Variants in MYBPC1 observed in about 807,000 individuals in gnomAD.
MYBPC1 encodes the protein myosin-binding protein C, slow-type.
MYBPC1 carries 52 observed loss-of-function variants against 147.1 expected under a neutral mutation model. That is an observed-to-expected ratio of 0.35 (90% CI 0.28 to 0.45). The LOEUF (loss-of-function observed/expected upper bound fraction) is 0.45, where lower values mean the gene tolerates loss of function less well. MYBPC1 is among the 20% of genes least tolerant of loss of function. The pLI, the probability that MYBPC1 is intolerant of heterozygous loss-of-function variation, is 1.00. For synonymous variants in MYBPC1, 477 were observed against 475.9 expected, an observed-to-expected ratio of 1.00 and a Z score of -0.03; for missense variants, 1,228 against 1,440.3, an observed-to-expected ratio of 0.85 and a Z score of 2.39.
intron 11 of MYBPC1, 119 bp from the exon 12 acceptor site, chr12:101,644,545 T>A: frequency 1.0e-6 from 1 of 958,540 alleles, no homozygotes. Flanking sequence ...GGTTTCTGAT[T>A]TTTTTCTTGA....
In MYBPC1 at chr12:101,678,090, CT is replaced by C; in HGVS notation, c.3110-10del. 6.2e-7 allele frequency: 1 copy of C among 1,610,356 alleles called. No homozygotes were observed. The highest frequency in any genetic ancestry group is 8.5e-7 in the Non-Finnish European group (1 of 1,176,610). On this transcript the variant is annotated splice_polypyrimidine_tract_variant and intron_variant, in intron 27 of 31. Coordinates refer to ENST00000361466, the MANE Select transcript of MYBPC1 (RefSeq NM_002465.4). ...ACATAATTTTAACATATTTGTAATG[CT>C]TGTTTTTAAGGTAAAATCTACAAAA...
intron 10 of MYBPC1, among the ~76,000 whole-genome samples, chr12:101,640,550 C>T (rs1014767762): frequency 1.3e-5 from 2 of 152,118 alleles, no homozygotes; most frequent in Non-Finnish European, 2.9e-5. Flanking sequence ...TTAAGAGGCA[C>T]ATTTTGCTAA....
At chr12:101,627,571 AAATAAGACACACACTTTTATAGATGC>A (rs1370058352) in intron 4 of MYBPC1, among the ~76,000 whole-genome samples, 172 bp from the exon 5 acceptor site, 3 of 152,078 alleles carry the variant, frequency 2.0e-5, no homozygotes, top group African/African-American at 7.2e-5. Flanking sequence ...TATCATTTTA[AAATAAGACACACACTTTTATAGATGC>A]TTTCATACTT....
chr12:101,643,249 TA>T lies in MYBPC1; in HGVS notation c.832+672del, dbSNP rs569203693. On this transcript the variant is annotated intron_variant, in intron 11 of 31. Transcript: ENST00000361466. ...GAATTTAAAGATTTTTACCACCCTT[TA>T]AAAAAAATCTGACCTTTATTTCTGA... Among the ~76,000 whole-genome samples the T allele has an allele frequency of 4.6e-5, 7 of 152,142 alleles. No individual in the cohort carries two copies. The South Asian group carries it at 1.2e-3, about 27-fold the overall frequency.
chr12:101,620,052 G>C (rs1006179353), intron 3 of MYBPC1, among the ~76,000 whole-genome samples: 1 of 152,172 alleles, frequency 6.6e-6, no homozygotes, highest in African/African-American at 2.4e-5. Flanking sequence ...TTGTTTGCTT[G>C]CTTGCTTGCT....
In MYBPC1 at chr12:101,653,114, G is replaced by T; in HGVS notation, c.1634-1G>T. On this transcript the variant is annotated splice_acceptor_variant, in intron 17 of 31. Coordinates refer to ENST00000361466, the MANE Select transcript of MYBPC1 (RefSeq NM_002465.4). LOFTEE classifies it high-confidence loss of function. ...AACAAAGACTATGCTTAATATTCTA[G>T]ATCCTCCTAAGATCATCCTGGATGG... 1 of 1,613,590 alleles carries T rather than the reference G, an allele frequency of 6.2e-7. No individual in the cohort carries two copies. Among genetic ancestry groups the T allele is most frequent in the Non-Finnish European group, 8.5e-7 (1 of 1,179,780 alleles).
intron 1 of MYBPC1, among the ~76,000 whole-genome samples, chr12:101,609,671 G>A (rs1054045352): frequency 6.6e-6 from 1 of 152,268 alleles, no homozygotes; most frequent in African/African-American, 2.4e-5. Flanking sequence ...AAGTTCTAGA[G>A]GATTTCTGGA....
intron 22 of MYBPC1, among the ~76,000 whole-genome samples, chr12:101,665,797 C>A (rs1593996964): frequency 6.6e-6 from 1 of 152,320 alleles, no homozygotes; most frequent in Admixed American, 6.5e-5. Flanking sequence ...TTCACTTTCT[C>A]ATCCACTGTC....
At chr12:101,659,585 C>A in intron 18 of MYBPC1, 87 bp from the exon 19 acceptor site, 2 of 1,380,294 alleles carry the variant, frequency 1.4e-6, no homozygotes, top group Non-Finnish European at 2.1e-6. Context: ...ACTCTATAGT[C>A]TGCTGAATTG....
chr12:101,646,961 A>G, intron 13 of MYBPC1, 74 bp downstream of exon 13: 1 of 1,576,428 alleles, frequency 6.3e-7, no homozygotes, highest in South Asian at 1.1e-5. Flanking sequence ...ATCAAAGTGA[A>G]AGTAACTGAG....
intron 30 of MYBPC1, among the ~76,000 whole-genome samples, 169 bp downstream of exon 30, chr12:101,682,831 C>G (rs1345244356): frequency 1.3e-5 from 2 of 152,144 alleles, no homozygotes; most frequent in Non-Finnish European, 2.9e-5. Flanking sequence ...CCAAATTATT[C>G]AAGGATATTA....
intron 3 of MYBPC1, among the ~76,000 whole-genome samples, chr12:101,621,725 C>A (rs1320767147): frequency 6.6e-6 from 1 of 152,134 alleles, no homozygotes; most frequent in East Asian, 1.9e-4. Flanking sequence ...AATTTAAAAT[C>A]AACCATAGGT....
intron 11 of MYBPC1, among the ~76,000 whole-genome samples, chr12:101,642,986 G>A (rs772924156): frequency 3.3e-5 from 5 of 152,128 alleles, no homozygotes; most frequent in Non-Finnish European, 5.9e-5. Flanking sequence ...TTAGCAAAAT[G>A]TTTTGTAAAA....
At position 101,651,260 on chromosome 12, in the gene MYBPC1, A is replaced by G. The variant is rs1894381760; in HGVS notation, c.1393A>G (p.Thr465Ala). ...LKPLKILTPL[T>A]DQTVNLGKEI... ...ACCTCTGAAGATTTTGACACCTCTG[A>G]CTGATCAGACTGTAAATCTTGGAAA... The change falls in exon 16 of 32, where the codon ACT becomes GCT. Residue 465 changes from threonine to alanine, a missense_variant. Physicochemically the swap from Thr to Ala is moderately conservative, Grantham distance 58. This residue lies in a region of MYBPC1 where 1,077 missense variants were observed against 1,314.2 expected (regional missense o/e 0.82). Coordinates refer to ENST00000361466, the MANE Select transcript of MYBPC1 (RefSeq NM_002465.4). 1 of 1,613,980 alleles carries G rather than the reference A, an allele frequency of 6.2e-7. No homozygotes were observed. The highest frequency in any genetic ancestry group is 8.5e-7 in the Non-Finnish European group (1 of 1,179,992).
chr12:101,684,027 G>A (rs887132103), intron 30 of MYBPC1, among the ~76,000 whole-genome samples: 6 of 151,886 alleles, frequency 4.0e-5, no homozygotes, highest in African/African-American at 7.3e-5. Flanking sequence ...TGAAAAACAC[G>A]ATATATATAT....
At chr12:101,596,230 G>T (rs1877183682) in intron 1 of MYBPC1, among the ~76,000 whole-genome samples, 1 of 152,188 alleles carries the variant, frequency 6.6e-6, no homozygotes, top group South Asian at 2.1e-4. Context: ...AGTGTTGACA[G>T]GCTGTGGTGA....
chr12:101,639,459 T>C (rs186036795), intron 10 of MYBPC1, among the ~76,000 whole-genome samples: 2 of 152,292 alleles, frequency 1.3e-5, no homozygotes, highest in East Asian at 3.9e-4. Context: ...GACCTCACAT[T>C]TCAGTACAAG....
chr12:101,615,432 C>A (rs991138767), intron 2 of MYBPC1, among the ~76,000 whole-genome samples: 1 of 152,100 alleles, frequency 6.6e-6, no homozygotes, highest in Non-Finnish European at 1.5e-5. Flanking sequence ...TTACCCTGTG[C>A]ACAACTCTGA....
At chr12:101,617,128 C>A in intron 2 of MYBPC1, 74 bp from the exon 3 acceptor site, 1 of 1,418,750 alleles carries the variant, frequency 7.0e-7, no homozygotes, top group Non-Finnish European at 9.9e-7. Context: ...CCCTCCCCCT[C>A]TCCACCCCGT....
Sources: allele counts gnomAD v4.1 joint callset (sites outside exome capture counted in the v4.1 genomes callset), GRCh38; gene constraint gnomAD v4.1.1; regional missense constraint gnomAD v4.1.1; transcripts MANE v1.5; gene names NCBI Gene and HGNC (gene_info 2026-07-23, HGNC 2026-07-21).